The following ASRGL1 variants were observed in gnomAD, a reference collection of about 807,000 sequenced individuals.
ASRGL1 encodes the protein asparaginase and isoaspartyl peptidase 1.
Under a neutral mutation model 22.4 loss-of-function variants are expected in ASRGL1, and 16 were observed. The observed-to-expected ratio is 0.71, with a 90% CI of 0.48 to 1.08. ASRGL1 has a LOEUF of 1.08. Ranked by LOEUF, ASRGL1 falls within the 50% of genes least tolerant of loss-of-function variation. The pLI is 0.00. For missense variants in ASRGL1, 412 were observed against 410.1 expected (o/e 1.00, Z -0.04); for synonymous variants, 165 against 159.3 (o/e 1.04, Z -0.27).
intron 4 of ASRGL1, among the ~76,000 whole-genome samples, chr11:62,362,543 AATATATAACATATATTATT>A (rs1946469267): frequency 1.5e-4 from 6 of 40,804 alleles, no homozygotes; most frequent in Admixed American, 5.9e-4. Flanking sequence ...TATTATATAA[AATATATAACATATATTATT>A]TATATAATAT....
intron 4 of ASRGL1, among the ~76,000 whole-genome samples, chr11:62,384,640 G>A (rs1466290120): frequency 6.7e-6 from 1 of 149,786 alleles, no homozygotes; most frequent in Admixed American, 6.7e-5. Flanking sequence ...TCATGGCTGG[G>A]TGTGGTGGCT....
chr11:62,371,265 C>T (rs925733192), intron 4 of ASRGL1: 8 of 1,351,342 alleles, frequency 5.9e-6, no homozygotes, highest in Non-Finnish European at 6.8e-6. Flanking sequence ...GCTGCAGTAG[C>T]AGCAGTGGTG....
intron 4 of ASRGL1, among the ~76,000 whole-genome samples, chr11:62,384,019 TGTGTGCAC>T (rs1397725103): frequency 1.3e-4 from 19 of 142,246 alleles, no homozygotes; most frequent in Non-Finnish European, 2.3e-4. Context: ...TGCATGTGTG[TGTGTGCAC>T]GTGTGTGCGT....
At chr11:62,344,875 A>G (rs916850826) in intron 2 of ASRGL1, among the ~76,000 whole-genome samples, 1 of 151,984 alleles carries the variant, frequency 6.6e-6, no homozygotes, top group African/African-American at 2.4e-5. Flanking sequence ...CACCCCCACT[A>G]TCTCCCAGCC....
intron 4 of ASRGL1, among the ~76,000 whole-genome samples, chr11:62,374,882 C>G (rs1052355853): frequency 2.6e-5 from 4 of 152,150 alleles, no homozygotes; most frequent in Non-Finnish European, 5.9e-5. Context: ...AGCTTCCATG[C>G]GACAGCCTGA....
intron 4 of ASRGL1, among the ~76,000 whole-genome samples, chr11:62,363,033 A>C (rs1311246260): frequency 7.1e-6 from 1 of 141,172 alleles, no homozygotes; most frequent in East Asian, 2.1e-4. Context: ...ATTCTCCTGC[A>C]TGCCATTCTC....
intron 4 of ASRGL1, among the ~76,000 whole-genome samples, chr11:62,360,384 A>T (rs1344544571): frequency 6.6e-6 from 1 of 151,154 alleles, no homozygotes; most frequent in Non-Finnish European, 1.5e-5. Context: ...ATGAAAATAC[A>T]TTCTCATTTT....
At chr11:62,345,925 ACCT>A (rs1804774384) in intron 2 of ASRGL1, among the ~76,000 whole-genome samples, 1 of 151,918 alleles carries the variant, frequency 6.6e-6, no homozygotes, top group Non-Finnish European at 1.5e-5. Flanking sequence ...CCTGCCACTC[ACCT>A]CCTGCTGTGG....
chr11:62,398,065 G>C (rs1163700104), downstream of ASRGL1, among the ~76,000 whole-genome samples: 1 of 151,990 alleles, frequency 6.6e-6, no homozygotes, highest in Non-Finnish European at 1.5e-5. Flanking sequence ...CAGGCGCTGG[G>C]GGCCAGGCCG....
the ASRGL1 span, among the ~76,000 whole-genome samples, chr11:62,400,651 C>T: frequency 6.6e-6 from 1 of 152,140 alleles, no homozygotes; most frequent in Non-Finnish European, 1.5e-5. Flanking sequence ...GTGGAGTAGC[C>T]AGGGCAGAAA....
At chr11:62,395,231 G>A (rs974655868), downstream of ASRGL1, among the ~76,000 whole-genome samples, 1 of 152,188 alleles carries the variant, frequency 6.6e-6, no homozygotes, top group African/African-American at 2.4e-5. Flanking sequence ...GCTCTGCCCT[G>A]GGCGCTGCCA....
downstream of ASRGL1, among the ~76,000 whole-genome samples, chr11:62,397,660 G>A (rs1175745869): frequency 5.8e-5 from 6 of 103,012 alleles, no homozygotes; most frequent in East Asian, 2.7e-4. Flanking sequence ...ATCAAACTCC[G>A]TCTCAAAAAA....
At chr11:62,338,335 C>T (rs1373942674) in intron 2 of ASRGL1, 168 bp downstream of exon 2, 5 of 766,292 alleles carry the variant, frequency 6.5e-6, no homozygotes, top group Non-Finnish European at 7.8e-6. Context: ...AAGAGTCAAA[C>T]GCTAAAATAT....
At chr11:62,357,461 C>A (rs7125465) in intron 4 of ASRGL1, among the ~76,000 whole-genome samples, 2 of 142,334 alleles carry the variant, frequency 1.4e-5, no homozygotes, top group East Asian at 4.1e-4. Context: ...GGGGTTTCGC[C>A]GTGTTGGCCA....
Position 62,392,177 on chromosome 11 carries a change from T to A in ASRGL1, c.820T>A (p.Trp274Arg). ...GLIVVSKTGD[W>R]VAKWTSTSMP... ...CATCGTGGTTAGCAAAACAGGAGAC[T>A]GGGTGGCAAAGTGGACCTCCACCTC... The change falls in exon 7 of 7, where the codon TGG becomes AGG. Residue 274 changes from tryptophan to arginine, a missense_variant. By Grantham distance (101) the Trp-to-Arg change is moderately radical (BLOSUM62 -3). Transcript: ENST00000415229. 6.2e-7 allele frequency: 1 copy of A among 1,614,210 alleles called. No homozygotes were observed. Among genetic ancestry groups the A allele is most frequent in the Non-Finnish European group, 8.5e-7 (1 of 1,180,026 alleles).
chr11:62,387,173 A>T (rs927787278), intron 4 of ASRGL1, among the ~76,000 whole-genome samples: 4 of 151,624 alleles, frequency 2.6e-5, no homozygotes, highest in African/African-American at 9.7e-5. Flanking sequence ...AAAGTGCTGG[A>T]ATTACAGGTG....
chr11:62,354,687 G>T (rs533145830), intron 2 of ASRGL1, among the ~76,000 whole-genome samples: 1 of 152,206 alleles, frequency 6.6e-6, no homozygotes, highest in African/African-American at 2.4e-5. Context: ...CCCTCTGAAG[G>T]ACAGAGTGGG....
intron 2 of ASRGL1, among the ~76,000 whole-genome samples, chr11:62,351,804 G>C (rs1356473208): frequency 6.6e-6 from 1 of 152,034 alleles, no homozygotes; most frequent in Non-Finnish European, 1.5e-5. Context: ...CCCGAGTAAA[G>C]CTGGAACTGC....
At chr11:62,342,683 A>G (rs958910572) in intron 2 of ASRGL1, among the ~76,000 whole-genome samples, 1 of 152,062 alleles carries the variant, frequency 6.6e-6, no homozygotes. Context: ...ACTTGAACCC[A>G]GAAGGGGGAG....
Sources: gnomAD v4.1 joint callset for allele counts (sites outside exome capture counted in the v4.1 genomes callset) on GRCh38, gnomAD v4.1.1 for gene constraint, MANE v1.5 for transcripts, NCBI Gene and HGNC (gene_info 2026-07-23, HGNC 2026-07-21) for gene names.